The following NRG3 variants were observed in gnomAD, a reference collection of about 807,000 sequenced individuals.
NRG3 encodes the protein neuregulin 3.
NRG3 carries 31 observed loss-of-function variants against 66.9 expected under a neutral mutation model. That is an observed-to-expected ratio of 0.46 (90% CI 0.35 to 0.63). The LOEUF is 0.63. Ranked by LOEUF, NRG3 falls within the 20% of genes least tolerant of loss-of-function variation. The pLI is 0.00. For missense variants in NRG3, 910 were observed against 878.9 expected, an observed-to-expected ratio of 1.04 and a Z score of -0.45; for synonymous variants, 393 against 359.4, an observed-to-expected ratio of 1.09 and a Z score of -1.06.
chr10:82,650,910 A>G (rs2051360665), intron 2 of NRG3, among the ~76,000 whole-genome samples: 1 of 152,216 alleles, frequency 6.6e-6, no homozygotes, highest in Admixed American at 6.5e-5. Context: ...TTTACATTTC[A>G]TCAAGTGATT....
chr10:82,586,773 T>C (rs578053505), intron 2 of NRG3, among the ~76,000 whole-genome samples: 1 of 152,336 alleles, frequency 6.6e-6, no homozygotes, highest in African/African-American at 2.4e-5. Context: ...ATACAATACA[T>C]ATTTTTTAAA....
intron 3 of NRG3, among the ~76,000 whole-genome samples, chr10:82,788,875 A>G (rs1300449489): frequency 6.6e-6 from 1 of 152,086 alleles, no homozygotes; most frequent in African/African-American, 2.4e-5. Flanking sequence ...GTCATATTAC[A>G]TATTATTCTT....
chr10:82,358,158 T>A (rs1440149622), intron 1 of NRG3, among the ~76,000 whole-genome samples: 1 of 152,202 alleles, frequency 6.6e-6, no homozygotes, highest in East Asian at 1.9e-4. Context: ...TGTTAAATAT[T>A]TACCAGAAAC....
intron 2 of NRG3, among the ~76,000 whole-genome samples, chr10:82,614,622 C>T (rs2048522314): frequency 1.3e-5 from 2 of 152,108 alleles, no homozygotes; most frequent in Admixed American, 1.3e-4. Context: ...ATATAAGTAA[C>T]TTGCATGAAT....
At chr10:82,840,283 G>A (rs996866287) in intron 3 of NRG3, among the ~76,000 whole-genome samples, 6 of 151,934 alleles carry the variant, frequency 3.9e-5, no homozygotes, top group Admixed American at 1.3e-4. Context: ...TGTCTTCTCC[G>A]CAGCCTACGT....
At chr10:82,141,338 G>A (rs932505668) in intron 1 of NRG3, among the ~76,000 whole-genome samples, 2 of 151,990 alleles carry the variant, frequency 1.3e-5, no homozygotes, top group African/African-American at 4.8e-5. Flanking sequence ...CAGGCATTAG[G>A]GTCGACCTTC....
intron 2 of NRG3, among the ~76,000 whole-genome samples, chr10:82,444,820 A>G (rs1209050466): frequency 2.6e-5 from 4 of 152,238 alleles, no homozygotes; most frequent in African/African-American, 4.8e-5. Flanking sequence ...AATGTTTACA[A>G]TAAAGAGTGC....
chr10:82,864,847 T>C (rs907526051), intron 3 of NRG3, among the ~76,000 whole-genome samples: 7 of 152,154 alleles, frequency 4.6e-5, no homozygotes, highest in African/African-American at 1.4e-4. Context: ...TTGTAACCTA[T>C]GTAAGAGTTT....
At chr10:82,312,499 C>T (rs2081080797) in intron 1 of NRG3, among the ~76,000 whole-genome samples, 1 of 152,226 alleles carries the variant, frequency 6.6e-6, no homozygotes, top group Non-Finnish European at 1.5e-5. Flanking sequence ...TCTTCTACCT[C>T]ACCAGCTCCT....
intron 1 of NRG3, among the ~76,000 whole-genome samples, chr10:82,025,082 G>A (rs1345673993): frequency 6.6e-6 from 1 of 151,860 alleles, no homozygotes; most frequent in Non-Finnish European, 1.5e-5. Flanking sequence ...AATTTAGAGT[G>A]TTCTGAAAGT....
chr10:81,935,785 T>C (rs914253559), intron 1 of NRG3, among the ~76,000 whole-genome samples: 1 of 152,028 alleles, frequency 6.6e-6, no homozygotes, highest in Non-Finnish European at 1.5e-5. Flanking sequence ...TAACCCTTTG[T>C]TACACAACCC....
chr10:82,255,228 C>T (rs1047454869), intron 1 of NRG3, among the ~76,000 whole-genome samples: 6 of 152,242 alleles, frequency 3.9e-5, no homozygotes, highest in South Asian at 4.1e-4. Flanking sequence ...CTATAAAATA[C>T]CTGAACCAGA....
chr10:82,233,476 A>C (rs1190435486), intron 1 of NRG3, among the ~76,000 whole-genome samples: 1 of 152,170 alleles, frequency 6.6e-6, no homozygotes, highest in Non-Finnish European at 1.5e-5. Context: ...AGGTACAGAA[A>C]ATTTAAATAT....
At chr10:82,698,062 A>G (rs2055538235) in intron 2 of NRG3, among the ~76,000 whole-genome samples, 1 of 152,206 alleles carries the variant, frequency 6.6e-6, no homozygotes, top group Non-Finnish European at 1.5e-5. Context: ...GTATTTCTGT[A>G]GCTGTTTTTT....
At chr10:82,645,342 G>A (rs1250278157) in intron 2 of NRG3, among the ~76,000 whole-genome samples, 1 of 152,166 alleles carries the variant, frequency 6.6e-6, no homozygotes, top group Non-Finnish European at 1.5e-5. Flanking sequence ...CAGATCAAGT[G>A]CATCAGTGAA....
intron 1 of NRG3, among the ~76,000 whole-genome samples, chr10:82,084,834 T>C (rs1023048958): frequency 4.6e-5 from 7 of 152,096 alleles, no homozygotes; most frequent in Non-Finnish European, 8.8e-5. Flanking sequence ...TCCACTCACA[T>C]AGATGAGTGG....
intron 1 of NRG3, among the ~76,000 whole-genome samples, chr10:82,069,936 A>G (rs937938435): frequency 2.6e-5 from 4 of 152,194 alleles, no homozygotes; most frequent in East Asian, 1.9e-4. Context: ...TAGTCTGTCA[A>G]AATCCAGGAA....
At chr10:81,935,558 C>G (rs1309563334) in intron 1 of NRG3, among the ~76,000 whole-genome samples, 2 of 152,078 alleles carry the variant, frequency 1.3e-5, no homozygotes, top group Non-Finnish European at 2.9e-5. Flanking sequence ...CATCTGTGAC[C>G]TATTTCAGGG....
At chr10:82,930,380 ATCTG>A (rs1230290416) in intron 4 of NRG3, among the ~76,000 whole-genome samples, 7 of 152,328 alleles carry the variant, frequency 4.6e-5, no homozygotes, top group African/African-American at 1.4e-4. Flanking sequence ...AAACAGGACT[ATCTG>A]TCTTCAGAGA....
Sources: allele counts gnomAD v4.1 joint callset (sites outside exome capture counted in the v4.1 genomes callset), GRCh38; gene constraint gnomAD v4.1.1; transcripts MANE v1.5; gene names NCBI Gene and HGNC (gene_info 2026-07-23, HGNC 2026-07-21).